The following APBB1 variants were observed in gnomAD, a reference collection of about 807,000 sequenced individuals.
APBB1 encodes amyloid beta precursor protein binding family B member 1.
Under a neutral mutation model 78.4 loss-of-function variants are expected in APBB1, and 22 were observed. The ratio of observed to expected loss-of-function variants is 0.28; its 90% CI spans 0.20 to 0.40. The LOEUF is 0.40. Among genes scored for constraint, APBB1 ranks in the 10% least tolerant of loss-of-function variants. The pLI is 1.00. For synonymous variants in APBB1, 369 were observed against 372.7 expected, an observed-to-expected ratio of 0.99 and a Z score of 0.12; for missense variants, 749 against 932.4, an observed-to-expected ratio of 0.80 and a Z score of 2.56.
In APBB1 at chr11:6,403,478, C is replaced by T. The variant is rs200929716; in HGVS notation, c.954+10G>A. On this transcript the variant is annotated intron_variant, in intron 4 of 14. Transcript: ENST00000609360. The surrounding 1 kb of genome is among the most constrained non-coding windows in gnomAD (Gnocchi z 5.3). Reference sequence around the variant, plus strand: ...AGCTATCCCGTGGTAAAGCAGGTCCCCTTACCCACCTTCCAAAATTCTCCA... The same window carrying T: ...AGCTATCCCGTGGTAAAGCAGGTCCTCTTACCCACCTTCCAAAATTCTCCA... 4.3e-6 allele frequency: 7 copies of T among 1,614,198 alleles called. No homozygotes were observed. The highest frequency in any genetic ancestry group is 2.2e-5 in the East Asian group (1 of 44,866).
chr11:6,400,850 G>T lies in APBB1; in HGVS notation c.1672+139C>A. On this transcript the variant is annotated intron_variant, in intron 12 of 14. Transcript: ENST00000609360. ...AAATAGAGCTAGGACAGAAGTATGG[G>T]GAGGTGGGATGCATTTTAAAGGGTA... The T allele has an allele frequency of 8.6e-6, 7 of 810,920 alleles. No homozygotes were observed. The South Asian group carries it at 9.9e-5, about 11-fold the overall frequency. The allele number at this position is 810,920 out of a possible 1,614,324, so 50.2% of individuals were successfully genotyped here. A position where few individuals can be genotyped will look rare whatever the true frequency, so the allele number is the denominator to read the frequency against.
intron 1 of APBB1, among the ~76,000 whole-genome samples, chr11:6,414,022 T>C (rs1328957993): frequency 2.6e-5 from 4 of 152,002 alleles, no homozygotes; most frequent in Non-Finnish European, 5.9e-5. Flanking sequence ...CACTCCCTGG[T>C]TCAGAAAATG....
In APBB1 at chr11:6,395,638, G is replaced by T; in HGVS notation, c.2029C>A (p.Pro677Thr). Residue 677 changes from proline (P) to threonine (T), a missense_variant, in exon 15 of 15, where the codon CCT becomes ACT. Physicochemically the swap from Pro to Thr is conservative, Grantham distance 38 (BLOSUM62 -1). This residue lies in a region of APBB1 where 96 missense variants were observed against 116.0 expected (regional missense o/e 0.83). Coordinates refer to ENST00000609360, the MANE Select transcript of APBB1 (RefSeq NM_001164.5). This position sits in a 1 kb window ranked among gnomAD's most constrained non-coding sequence, Gnocchi z 5.2. ...ACACGCCGTGCCACAGACTCAGCAG[G>T]GGGTGCTGGGAGGCAGGAGGTGGAG... ...QASTSCLPAP[P>T]AESVARRVGW... is the part of the protein sequence containing the mutation. 3 of 1,596,634 alleles carry T rather than the reference G, an allele frequency of 1.9e-6. No individual in the cohort carries two copies. The highest frequency in any genetic ancestry group is 3.4e-5 in the Admixed American group (2 of 58,330).
At position 6,396,593 on chromosome 11, in the gene APBB1, C is replaced by A. The variant is rs1294340849; in HGVS notation, c.1673-378G>T. 3 of 242,044 alleles carry A rather than the reference C, an allele frequency of 1.2e-5. No individual in the cohort carries two copies. The Admixed American group carries it at 1.7e-4, about 13-fold the overall frequency. 15.0% of individuals were successfully genotyped at this position (242,044 alleles called of 1,614,324 possible). A position where few individuals can be genotyped will look rare whatever the true frequency, so the allele number is the denominator to read the frequency against. The stretch of plus-strand genomic sequence containing the variant: ...ACAATAACTCCCAAATCAGACCCTA[C>A]AGGCCAGTCCTCTCCCAAGACCCAA... On this transcript the variant is annotated intron_variant, in intron 12 of 14. Transcript: ENST00000609360.
chr11:6,405,792 C>T (rs151338129), intron 2 of APBB1: 2 of 576,600 alleles, frequency 3.5e-6, no homozygotes, highest in Non-Finnish European at 4.4e-6. Context: ...CAATAGGCAC[C>T]TGAAACTTAG....
rs1848970684 is a variant in APBB1, at chr11:6,411,785, A to G, written c.-14-424T>C. ...TCACTGACTGCCCCTCTCCGGCCGC[A>G]CTTCCATCCCAAGCCCCATCACTGT... is the stretch of plus-strand genomic sequence containing the variant. On this transcript the variant is annotated intron_variant, in intron 1 of 14. Coordinates refer to ENST00000609360, the MANE Select transcript of APBB1 (RefSeq NM_001164.5). The surrounding 1 kb of genome is among the most constrained non-coding windows in gnomAD (Gnocchi z 5.2). Among the ~76,000 whole-genome samples the G allele has an allele frequency of 6.6e-6, 1 of 151,874 alleles. No homozygotes were observed. The highest frequency in any genetic ancestry group is 2.4e-5 in the African/African-American group (1 of 41,330).
chr11:6,404,257 C>G (rs986199240), intron 2 of APBB1, among the ~76,000 whole-genome samples: 2 of 152,214 alleles, frequency 1.3e-5, no homozygotes, highest in Non-Finnish European at 2.9e-5. Context: ...GCCACAAACA[C>G]CAGGGTATGC....
chr11:6,403,561 G>A lies in APBB1; in HGVS notation c.898-17C>T, dbSNP rs1184257575. 1.2e-6 allele frequency: 2 copies of A among 1,614,190 alleles called. No individual in the cohort carries two copies. Among genetic ancestry groups the A allele is most frequent in the Admixed American group, 1.7e-5 (1 of 60,018 alleles). On this transcript the variant is annotated splice_polypyrimidine_tract_variant and intron_variant, in intron 3 of 14. Transcript: ENST00000609360. The surrounding 1 kb of genome is among the most constrained non-coding windows in gnomAD (Gnocchi z 5.3). ...CCAGGTGAGCTAGGAGGAGGGATGG[G>A]AGTAGTGAGTGAGTGTCCTATCCTA...
upstream of APBB1, chr11:6,419,226 C>T (rs539411866): frequency 2.5e-4 from 74 of 298,350 alleles, no homozygotes; most frequent in South Asian, 0.011. Flanking sequence ...ACCCTGCGGG[C>T]GGCCCTCGGA....
rs1242252720 is a variant in APBB1 at position 6,411,383 on chromosome 11, T to C, written c.-14-22A>G. 2.0e-6 allele frequency: 3 copies of C among 1,513,566 alleles called. No individual in the cohort carries two copies. Among genetic ancestry groups the C allele is most frequent in the Non-Finnish European group, 2.6e-6 (3 of 1,132,456 alleles). 93.8% of individuals were successfully genotyped at this position (1,513,566 alleles called of 1,614,324 possible). ...GCTCCTGTGGGGTGCGGAGGGGAGA[T>C]GCTGTTGAGCCTCTGGTCCAGAACA... On this transcript the variant is annotated intron_variant, in intron 1 of 14. Coordinates refer to ENST00000609360, the MANE Select transcript of APBB1 (RefSeq NM_001164.5). This position sits in a 1 kb window ranked among gnomAD's most constrained non-coding sequence, Gnocchi z 5.2.
chr11:6,410,761 G>A lies in APBB1; in HGVS notation c.587C>T (p.Thr196Ile). The change falls in exon 2 of 15, where the codon ACA becomes ATA. Residue 196 changes from threonine (T) to isoleucine (I), a missense_variant. Thr to Ile is a moderately conservative substitution (Grantham distance 89, BLOSUM62 -1). Transcript: ENST00000609360. ...CTTGCTGTGTTCCCGGGGGCCATCTGTAAGGGCTTGGGGCCTGGGAGGGGC... is the reference window on the plus strand; with the variant it reads ...CTTGCTGTGTTCCCGGGGGCCATCTATAAGGGCTTGGGGCCTGGGAGGGGC... ...VEAPPRPQAL[T>I]DGPREHSKSA... The A allele has an allele frequency of 6.3e-7, 1 of 1,591,324 alleles. No individual in the cohort carries two copies. Among genetic ancestry groups the A allele is most frequent in the East Asian group, 2.2e-5 (1 of 44,610 alleles).
At chr11:6,408,635 G>C (rs1848882634) in intron 2 of APBB1, among the ~76,000 whole-genome samples, 1 of 152,068 alleles carries the variant, frequency 6.6e-6, no homozygotes, top group Non-Finnish European at 1.5e-5. Context: ...CTCCCGAGTA[G>C]CTGGGATTAC....
chr11:6,413,460 G>A (rs1055211234), intron 1 of APBB1, among the ~76,000 whole-genome samples: 17 of 151,920 alleles, frequency 1.1e-4, no homozygotes, highest in African/African-American at 3.4e-4. Flanking sequence ...TGTTCTCAGC[G>A]CTGAGCACAG....
At position 6,395,611 on chromosome 11, in the gene APBB1, C is replaced by T. The variant is rs757664764; in HGVS notation, c.2056G>A (p.Gly686Arg). The change falls in exon 15 of 15, where the codon GGG (glycine) becomes AGG (arginine). Residue 686 changes from glycine to arginine, a missense_variant. By Grantham distance (125) the Gly-to-Arg change is moderately radical. Around this residue, in one of 3 missense-constraint regions of APBB1, gnomAD observed 96 missense variants for 116.0 expected, o/e 0.83. Transcript: ENST00000609360. The surrounding 1 kb of genome is among the most constrained non-coding windows in gnomAD (Gnocchi z 5.2). ...TGAACACCCCTGCGGACAGTCCACC[C>T]TACACGCCGTGCCACAGACTCAGCA... ...PPAESVARRV[G>R]WTVRRGVQSL... 2.5e-6 allele frequency: 4 copies of T among 1,598,580 alleles called. No homozygotes were observed. Among genetic ancestry groups the T allele is most frequent in the Admixed American group, 1.7e-5 (1 of 58,382 alleles).
chr11:6,403,661 G>C lies in APBB1; in HGVS notation c.883C>G (p.Gln295Glu), dbSNP rs1363464695. Residue 295 changes from glutamine (Q) to glutamate (E), a missense_variant, in exon 3 of 15, where the codon CAA becomes GAA. Physicochemically the swap from Gln to Glu is conservative, Grantham distance 29. Transcript: ENST00000609360. The surrounding 1 kb of genome is among the most constrained non-coding windows in gnomAD (Gnocchi z 5.3). ...RASPSQGSSP[Q>E]EESQLTWTGF... ...GTGAGCCTCACCTGGGACTCCTCTT[G>C]GGGGCTGCTCCCCTGTGAGGGGGAG... The C allele has an allele frequency of 6.2e-7, 1 of 1,609,048 alleles. No homozygotes were observed. The highest frequency in any genetic ancestry group is 8.5e-7 in the Non-Finnish European group (1 of 1,177,036).
In APBB1 at chr11:6,401,882, G is replaced by A. The variant is rs564425571; in HGVS notation, c.1388+95C>T. On this transcript the variant is annotated intron_variant, in intron 9 of 14. Transcript: ENST00000609360. The surrounding 1 kb of genome is among the most constrained non-coding windows in gnomAD (Gnocchi z 4.5). Reference sequence around the variant, plus strand: ...TGCTGAGGTGGAGGGTAATGGTGGAGCATAGCGGGTGGGAAGGGGCAGGGC... The same window carrying A: ...TGCTGAGGTGGAGGGTAATGGTGGAACATAGCGGGTGGGAAGGGGCAGGGC... The A allele has an allele frequency of 4.0e-6, 6 of 1,513,012 alleles. No homozygotes were observed. In the African/African-American group the frequency reaches 6.8e-5, roughly 17 times the overall value. The allele number at this position is 1,513,012 out of a possible 1,614,324, so 93.7% of individuals were successfully genotyped here.
At chr11:6,404,628 C>A in intron 2 of APBB1, 1 of 1,536,312 alleles carries the variant, frequency 6.5e-7, no homozygotes. Flanking sequence ...GTCATACACC[C>A]TTGTCTGCCG....
At chr11:6,415,821 C>T (rs1849104183) in intron 1 of APBB1, among the ~76,000 whole-genome samples, 1 of 152,188 alleles carries the variant, frequency 6.6e-6, no homozygotes, top group South Asian at 2.1e-4. Flanking sequence ...AATTTTATAC[C>T]ACTGTTTATC....
intron 1 of APBB1, among the ~76,000 whole-genome samples, chr11:6,415,598 G>A (rs1157984412): frequency 6.6e-6 from 1 of 152,170 alleles, no homozygotes; most frequent in African/African-American, 2.4e-5. Context: ...ATCAGCAAAG[G>A]CCTGCCTGAG....
Sources: gnomAD v4.1 joint callset for allele counts (sites outside exome capture counted in the v4.1 genomes callset) on GRCh38, gnomAD v4.1.1 for gene constraint, gnomAD v4.1.1 regional missense constraint, Gnocchi (gnomAD v3.1) non-coding constraint, MANE v1.5 for transcripts, NCBI Gene and HGNC (gene_info 2026-07-23, HGNC 2026-07-21) for gene names.